DMD: variants seen among roughly 807,000 people sequenced by gnomAD.
The protein encoded by DMD is mutant dystrophin.
A neutral mutation model predicts 330.1 loss-of-function variants in DMD; 63 were observed. That is an observed-to-expected ratio of 0.19 (90% CI 0.16 to 0.24). DMD has a LOEUF of 0.24. DMD is among the 10% of genes least tolerant of loss of function. The pLI is 1.00. For synonymous variants in DMD, 1,223 were observed against 959.8 expected (o/e 1.27, Z -5.07); for missense variants, 3,344 against 2,684.1 (o/e 1.25, Z -5.43).
intron 1 of DMD, among the ~76,000 whole-genome samples, chrX:33,092,831 C>A (rs768762757): frequency 3.6e-5 from 4 of 110,696 alleles, no homozygotes; most frequent in Non-Finnish European, 5.7e-5. Flanking sequence ...AGTTCCTCCT[C>A]GTCTTGTAGC....
At chrX:32,970,823 A>G (rs1345229826) in intron 2 of DMD, among the ~76,000 whole-genome samples, 2 of 93,877 alleles carry the variant, frequency 2.1e-5, no homozygotes, top group East Asian at 6.7e-4. Flanking sequence ...TAATGGAAAT[A>G]TTTTTCATTT....
intron 9 of DMD, among the ~76,000 whole-genome samples, chrX:32,682,601 C>CA (rs773254325): frequency 3.5e-4 from 39 of 110,744 alleles, no homozygotes; most frequent in Admixed American, 7.7e-4. Context: ...GAGTTCATAT[C>CA]AAAAAAAACA....
intron 17 of DMD, among the ~76,000 whole-genome samples, chrX:32,531,943 A>G (rs1263781796): frequency 9.0e-6 from 1 of 111,229 alleles, no homozygotes; most frequent in Non-Finnish European, 1.9e-5. Flanking sequence ...TTTGTACCCT[A>G]ATGGCAATAT....
intron 44 of DMD, among the ~76,000 whole-genome samples, chrX:32,054,086 TGTGAGAGAGAGAGAGAGAGA>T (rs1347890824): frequency 2.5e-5 from 2 of 79,015 alleles, no homozygotes; most frequent in Non-Finnish European, 4.8e-5. Context: ...TGTGTGTGTG[TGTGAGAGAGAGAGAGAGAGA>T]GAGAGAGAGA....
chrX:32,318,545 G>C (rs906803468), intron 41 of DMD, among the ~76,000 whole-genome samples: 1 of 110,781 alleles, frequency 9.0e-6, no homozygotes, highest in African/African-American at 3.3e-5. Flanking sequence ...ACCGTGCATA[G>C]AAAAAATAGC....
chrX:31,206,456 A>C (rs1037184066), intron 66 of DMD, 126 bp downstream of exon 66: 12 of 615,202 alleles, frequency 2.0e-5, no homozygotes, highest in Non-Finnish European at 2.9e-5. Context: ...TGACACTCTA[A>C]AAGCAGTTCT....
intron 9 of DMD, among the ~76,000 whole-genome samples, chrX:32,695,900 G>A (rs2063618480): frequency 8.9e-6 from 1 of 112,223 alleles, no homozygotes; most frequent in Admixed American, 9.5e-5. Flanking sequence ...CAGAGAGGAA[G>A]AACCCGCTGA....
At chrX:31,699,356 C>T (rs182469143) in intron 52 of DMD, among the ~76,000 whole-genome samples, 27 of 112,472 alleles carry the variant, frequency 2.4e-4, no homozygotes, top group African/African-American at 8.7e-4. Flanking sequence ...ACTCACCCAG[C>T]CCAGTGCCTA....
intron 50 of DMD, among the ~76,000 whole-genome samples, chrX:31,779,093 A>G (rs911592792): frequency 8.9e-6 from 1 of 111,844 alleles, no homozygotes; most frequent in East Asian, 2.8e-4. Context: ...GCAGGGTCGT[A>G]TTGTTGTGCC....
At chrX:33,009,084 GTATATATA>G (rs2093489696) in intron 2 of DMD, among the ~76,000 whole-genome samples, 1 of 21,700 alleles carries the variant, frequency 4.6e-5, no homozygotes, top group Admixed American at 5.5e-4. Context: ...ACATATATGT[GTATATATA>G]CGTATATATG....
chrX:32,618,419 C>T (rs868534890), intron 11 of DMD, among the ~76,000 whole-genome samples: 3 of 111,408 alleles, frequency 2.7e-5, no homozygotes, highest in African/African-American at 6.5e-5. Flanking sequence ...AAACAGAAAA[C>T]CAAATACACC....
At position 32,880,296 on chromosome X, in the gene DMD, AGCC is replaced by A. The variant is rs200090718; in HGVS notation, c.94-30479_94-30477del. On this transcript the variant is annotated intron_variant, in intron 2 of 78. Coordinates refer to ENST00000357033, the MANE Select transcript of DMD (RefSeq NM_004006.3). ...GCTCCAACAGGGCCAAAAAAAAAAA[AGCC>A]TTTTTCAGCTTAGTCTTCTTAGCAA... Among the ~76,000 whole-genome samples the A allele has an allele frequency of 2.7e-3, 293 of 108,964 alleles. 5 individuals carry two copies. In the East Asian group the frequency reaches 0.043, roughly 16 times the overall value. 94.6% of individuals were successfully genotyped at this position (108,964 alleles called of 115,157 possible).
chrX:32,556,576 G>C (rs977909274), intron 16 of DMD, among the ~76,000 whole-genome samples: 2 of 111,714 alleles, frequency 1.8e-5, no homozygotes, highest in Non-Finnish European at 3.8e-5. Context: ...ATCAATGATA[G>C]ACAAGATAAA....
At chrX:31,863,032 A>G (rs950170253) in intron 48 of DMD, among the ~76,000 whole-genome samples, 1 of 112,678 alleles carries the variant, frequency 8.9e-6, no homozygotes, top group East Asian at 2.8e-4. Flanking sequence ...GGCTGCCCGC[A>G]CCCAGGCGCT....
At chrX:32,533,970 C>A (rs1181228281) in intron 17 of DMD, among the ~76,000 whole-genome samples, 1 of 111,983 alleles carries the variant, frequency 8.9e-6, no homozygotes, top group Non-Finnish European at 1.9e-5. Context: ...CTGACGTGTA[C>A]TTAATGCCCC....
At chrX:32,509,791 T>C (rs1458597312) in intron 18 of DMD, among the ~76,000 whole-genome samples, 1 of 112,040 alleles carries the variant, frequency 8.9e-6, no homozygotes, top group Non-Finnish European at 1.9e-5. Context: ...TGCAGGTTCC[T>C]AATCATGTCC....
chrX:32,345,607 G>T (rs770323850), intron 39 of DMD, among the ~76,000 whole-genome samples: 1 of 110,484 alleles, frequency 9.1e-6, no homozygotes, highest in African/African-American at 3.3e-5. Context: ...CATGTAGATC[G>T]GTTATTCTGG....
intron 44 of DMD, among the ~76,000 whole-genome samples, chrX:32,094,710 T>C (rs1307430721): frequency 8.9e-6 from 1 of 111,860 alleles, no homozygotes; most frequent in Non-Finnish European, 1.9e-5. Context: ...TCTATTATAC[T>C]AAAATTCATA....
chrX:32,236,079 G>A (rs1248748623), intron 43 of DMD, among the ~76,000 whole-genome samples: 1 of 111,870 alleles, frequency 8.9e-6, no homozygotes, highest in Non-Finnish European at 1.9e-5. Flanking sequence ...TATTTGAGGT[G>A]ATAGGATTTC....
Sources: gnomAD v4.1 joint callset for allele counts (sites outside exome capture counted in the v4.1 genomes callset) on GRCh38, gnomAD v4.1.1 for gene constraint, MANE v1.5 for transcripts, NCBI Gene and HGNC (gene_info 2026-07-23, HGNC 2026-07-21) for gene names.